CSNK1D: variants seen among roughly 807,000 people sequenced by gnomAD.
CSNK1D encodes casein kinase 1 delta.
A neutral mutation model predicts 46.6 loss-of-function variants in CSNK1D; 16 were observed. The observed-to-expected ratio is 0.34, with a 90% CI of 0.23 to 0.52. The LOEUF is 0.52. Among genes scored for constraint, CSNK1D ranks in the 20% least tolerant of loss-of-function variants. The pLI, the probability that CSNK1D is intolerant of heterozygous loss-of-function variation, is 0.95. For missense variants in CSNK1D, 398 were observed against 578.4 expected, an observed-to-expected ratio of 0.69 and a Z score of 3.20; for synonymous variants, 276 against 228.2, an observed-to-expected ratio of 1.21 and a Z score of -1.89.
At chr17:82,254,840 C>CG (rs1215572790) in intron 3 of CSNK1D, among the ~76,000 whole-genome samples, 3 of 136,804 alleles carry the variant, frequency 2.2e-5, no homozygotes, top group African/African-American at 8.8e-5. Flanking sequence ...GCTGAGCCGC[C>CG]GGGGCCTCGA....
chr17:82,272,316 C>T (rs1439264443), intron 1 of CSNK1D: 1 of 151,924 alleles, frequency 6.6e-6, no homozygotes, highest in Non-Finnish European at 1.5e-5. Context: ...TGCACTCCAA[C>T]CTGGGCAACA....
In CSNK1D at chr17:82,250,508, C is replaced by T; in HGVS notation, c.885+871G>A. 3.9e-6 allele frequency: 1 copy of T among 253,980 alleles called. No individual in the cohort carries two copies. Among genetic ancestry groups the T allele is most frequent in the Non-Finnish European group, 8.0e-6 (1 of 124,332 alleles). The allele number at this position is 253,980 out of a possible 1,614,324, so 15.7% of individuals were successfully genotyped here. A position where few individuals can be genotyped will look rare whatever the true frequency, so the allele number is the denominator to read the frequency against. On this transcript the variant is annotated intron_variant, in intron 6 of 8. Coordinates refer to ENST00000314028, the MANE Select transcript of CSNK1D (RefSeq NM_001893.6). The surrounding 1 kb of genome is among the most constrained non-coding windows in gnomAD (Gnocchi z 4.6). ...GGACTGATCTGCCCTGCCGAGTGCACCCCTCCCGGCACCTGGGCCCCGAGG... is the reference window on the plus strand; with the variant it reads ...GGACTGATCTGCCCTGCCGAGTGCATCCCTCCCGGCACCTGGGCCCCGAGG...
At chr17:82,242,556 CTG>C, downstream of CSNK1D, 1 of 831,396 alleles carries the variant, frequency 1.2e-6, no homozygotes, top group Non-Finnish European at 1.5e-6. Flanking sequence ...CACCCACAGG[CTG>C]AGAAAGAACA....
Position 82,243,948 on chromosome 17 carries a change from G to C in CSNK1D, c.*833C>G. On this transcript the variant is annotated 3_prime_UTR_variant, in exon 9 of 9. Transcript: ENST00000314028. ...TCTGCTTCCAAGCTCTCAGCTGCCT[G>C]CCCACCTCCTGGGGAAGAAGCGCGC... 5.1e-6 allele frequency: 5 copies of C among 985,830 alleles called. No homozygotes were observed. Among genetic ancestry groups the C allele is most frequent in the Non-Finnish European group, 6.0e-6 (5 of 830,230 alleles). The allele number at this position is 985,830 out of a possible 1,614,324, so 61.1% of individuals were successfully genotyped here.
intron 1 of CSNK1D, among the ~76,000 whole-genome samples, chr17:82,268,437 G>A (rs949576581): frequency 6.6e-6 from 1 of 152,248 alleles, no homozygotes; most frequent in African/African-American, 2.4e-5. Context: ...ATCTGGCATC[G>A]CTGCAGCATT....
In CSNK1D at chr17:82,273,580, C is replaced by T. The variant is rs924982103; in HGVS notation, c.-199G>A. On this transcript the variant is annotated 5_prime_UTR_variant, in exon 1 of 9. Coordinates refer to ENST00000314028, the MANE Select transcript of CSNK1D (RefSeq NM_001893.6). The surrounding 1 kb of genome is among the most constrained non-coding windows in gnomAD (Gnocchi z 5.1). ...GGGGCGGATGGGACAGTCCGAGCGC[C>T]GCCGCCGCTGCTCCGGCCCCTACCG... 1.8e-5 allele frequency: 11 copies of T among 622,508 alleles called. No homozygotes were observed. Among genetic ancestry groups the T allele is most frequent in the East Asian group, 6.1e-5 (2 of 32,714 alleles). 38.6% of individuals were successfully genotyped at this position (622,508 alleles called of 1,614,324 possible).
chr17:82,257,166 G>A (rs1279793631), intron 2 of CSNK1D, among the ~76,000 whole-genome samples: 1 of 151,698 alleles, frequency 6.6e-6, no homozygotes, highest in Admixed American at 6.6e-5. Flanking sequence ...CTGAAGGCAT[G>A]TATTTTTTTT....
intron 2 of CSNK1D, among the ~76,000 whole-genome samples, chr17:82,261,478 C>G (rs1047973043): frequency 1.3e-5 from 2 of 152,114 alleles, no homozygotes; most frequent in African/African-American, 2.4e-5. Flanking sequence ...TGAAAAGTTT[C>G]AATATAAATG....
chr17:82,240,286 C>T (rs558037973), downstream of CSNK1D, among the ~76,000 whole-genome samples: 6 of 152,320 alleles, frequency 3.9e-5, no homozygotes, highest in South Asian at 1.2e-3. Context: ...CGGCAGAGTC[C>T]ACCAGTCCCA....
chr17:82,253,571 A>C, intron 3 of CSNK1D: 1 of 382,606 alleles, frequency 2.6e-6, no homozygotes, highest in Non-Finnish European at 5.0e-6. Flanking sequence ...ACACACCAGG[A>C]TTAGCAGAGA....
intron 2 of CSNK1D, among the ~76,000 whole-genome samples, chr17:82,264,991 G>C (rs966537008): frequency 6.6e-6 from 1 of 151,550 alleles, no homozygotes; most frequent in African/African-American, 2.4e-5. Context: ...AGTAGAGACG[G>C]GGTTTCACTG....
In CSNK1D at chr17:82,252,708, G is replaced by T; in HGVS notation, c.566-104C>A. 8.4e-7 allele frequency: 1 copy of T among 1,190,964 alleles called. No individual in the cohort carries two copies. Among genetic ancestry groups the T allele is most frequent in the Non-Finnish European group, 1.2e-6 (1 of 829,508 alleles). The allele number at this position is 1,190,964 out of a possible 1,614,324, so 73.8% of individuals were successfully genotyped here. A position where few individuals can be genotyped will look rare whatever the true frequency, so the allele number is the denominator to read the frequency against. ...GTGGAGACTAGCCTCAGACACACAT[G>T]CCCAGATCACTCCAGCTGGCACTTC... On this transcript the variant is annotated intron_variant, in intron 4 of 8. Transcript: ENST00000314028. This position sits in a 1 kb window ranked among gnomAD's most constrained non-coding sequence, Gnocchi z 4.6.
Position 82,249,143 on chromosome 17 carries a change from T to C in CSNK1D, c.1058-129A>G, listed in dbSNP as rs1196266090. On this transcript the variant is annotated intron_variant, in intron 7 of 8. Transcript: ENST00000314028. The surrounding 1 kb of genome is among the most constrained non-coding windows in gnomAD (Gnocchi z 6.7). The stretch of plus-strand genomic sequence containing the variant: ...ACAGTCAGGACCTGGCTGTGGCCGA[T>C]GGCCACCAACACTCAGATCCGGCCG... 1.7e-6 allele frequency: 2 copies of C among 1,172,330 alleles called. No individual in the cohort carries two copies. The highest frequency in any genetic ancestry group is 1.5e-5 in the African/African-American group (1 of 65,254). 72.6% of individuals were successfully genotyped at this position (1,172,330 alleles called of 1,614,324 possible).
chr17:82,254,556 G>A (rs1463988117), intron 3 of CSNK1D: 1 of 160,098 alleles, frequency 6.2e-6, no homozygotes, highest in Non-Finnish European at 1.2e-5. Flanking sequence ...AGCCGCCGGA[G>A]CCTCGAGACG....
rs1002545976 is a variant in CSNK1D at position 82,252,895 on chromosome 17, C to T, written c.565+121G>A. 39 of 953,668 alleles carry T rather than the reference C, an allele frequency of 4.1e-5. No homozygotes were observed. The highest frequency in any genetic ancestry group is 5.3e-5 in the Non-Finnish European group (32 of 608,316). The allele number at this position is 953,668 out of a possible 1,614,324, so 59.1% of individuals were successfully genotyped here. A position where few individuals can be genotyped will look rare whatever the true frequency, so the allele number is the denominator to read the frequency against. ...GGCAGTCACGAGCCAGCCTGTCTGC[C>T]GCAAAGGTCTGATGACACGCTTGCA... is the stretch of plus-strand genomic sequence containing the variant. On this transcript the variant is annotated intron_variant, in intron 4 of 8. Coordinates refer to ENST00000314028, the MANE Select transcript of CSNK1D (RefSeq NM_001893.6). This position sits in a 1 kb window ranked among gnomAD's most constrained non-coding sequence, Gnocchi z 4.6.
intron 8 of CSNK1D, chr17:82,246,856 C>T (rs1007957918): frequency 1.6e-5 from 16 of 986,048 alleles, no homozygotes; most frequent in Middle Eastern, 5.2e-4. Flanking sequence ...TCACTGCCCA[C>T]GGTGACTGTG....
At chr17:82,254,440 C>A (rs1412358649) in intron 3 of CSNK1D, 2 of 266,294 alleles carry the variant, frequency 7.5e-6, no homozygotes, top group African/African-American at 5.6e-5. Context: ...CTCGAGAAGC[C>A]AGTCAGCTGA....
downstream of CSNK1D, chr17:82,239,140 G>A (rs1008470254): frequency 8.7e-5 from 57 of 655,432 alleles, no homozygotes; most frequent in African/African-American, 9.7e-4. Flanking sequence ...AAGGTGGCGG[G>A]GTGGGAACCG....
intron 8 of CSNK1D, chr17:82,246,895 G>A: frequency 1.0e-6 from 1 of 985,852 alleles, no homozygotes; most frequent in Non-Finnish European, 1.2e-6. Context: ...AAACAGGTGA[G>A]GCGCTCAGAG....
Sources: gnomAD v4.1 joint callset for allele counts (sites outside exome capture counted in the v4.1 genomes callset) on GRCh38, gnomAD v4.1.1 for gene constraint, Gnocchi (gnomAD v3.1) non-coding constraint, MANE v1.5 for transcripts, NCBI Gene and HGNC (gene_info 2026-07-23, HGNC 2026-07-21) for gene names.